Variants in UTP20 observed in about 807,000 individuals in gnomAD.
The protein encoded by UTP20 is UTP20 small subunit processome component.
In UTP20, 164 loss-of-function variants were observed where a neutral mutation model predicts 329.5. That is an observed-to-expected ratio of 0.50 (90% CI 0.44 to 0.57). UTP20 has a LOEUF of 0.57. Ranked by LOEUF, UTP20 falls within the 20% of genes least tolerant of loss-of-function variation. UTP20 has a pLI of 0.00. For missense variants in UTP20, 3,055 were observed against 3,284.2 expected, an observed-to-expected ratio of 0.93 and a Z score of 1.71; for synonymous variants, 1,151 against 1,159.3, an observed-to-expected ratio of 0.99 and a Z score of 0.14.
At chr12:101,283,509 G>A (rs530797255) in intron 2 of UTP20, among the ~76,000 whole-genome samples, 139 of 152,272 alleles carry the variant, frequency 9.1e-4, no homozygotes, top group African/African-American at 3.1e-3. Context: ...AACAGACTCC[G>A]TCTCTTGGTG....
chr12:101,285,545 T>G (rs745678798), intron 2 of UTP20, 25 bp from the exon 3 acceptor site: 30 of 1,610,588 alleles, frequency 1.9e-5, no homozygotes. Context: ...GTTATTTGAT[T>G]AATGGACTGC....
intron 43 of UTP20, among the ~76,000 whole-genome samples, chr12:101,359,486 T>C (rs1315443919): frequency 4.4e-5 from 6 of 136,100 alleles, no homozygotes; most frequent in Non-Finnish European, 1.5e-5. Flanking sequence ...TGTGTGTGTG[T>C]ATGTATGTGT....
At chr12:101,319,909 A>G (rs994196324) in intron 23 of UTP20, among the ~76,000 whole-genome samples, 1 of 152,170 alleles carries the variant, frequency 6.6e-6, no homozygotes, top group Non-Finnish European at 1.5e-5. Flanking sequence ...GAATTATATC[A>G]TGGAAATTAG....
At chr12:101,345,166 G>A (rs954462526) in intron 36 of UTP20, among the ~76,000 whole-genome samples, 8 of 151,872 alleles carry the variant, frequency 5.3e-5, no homozygotes, top group Non-Finnish European at 7.4e-5. Context: ...AGCTGGTCCC[G>A]AACTCCTGAC....
chr12:101,326,938 T>C, intron 25 of UTP20, 143 bp from the exon 26 acceptor site: 1 of 866,882 alleles, frequency 1.2e-6, no homozygotes, highest in Admixed American at 3.1e-5. Context: ...GTGTTAAATA[T>C]CTAATTTCTA....
Position 101,369,776 on chromosome 12 carries a change from C to T in UTP20, c.6440C>T (p.Ser2147Phe), listed in dbSNP as rs1870222334. 1 of 1,609,266 alleles carries T rather than the reference C, an allele frequency of 6.2e-7. No homozygotes were observed. Among genetic ancestry groups the T allele is most frequent in the South Asian group, 1.1e-5 (1 of 90,958 alleles). The change falls in exon 49 of 62, where the codon TCC becomes TTC. Residue 2147 changes from serine to phenylalanine, a missense_variant. Coordinates refer to ENST00000261637, the MANE Select transcript of UTP20 (RefSeq NM_014503.3). ...LIWVLRFPLPSIETKAEQLTK... is the reference protein window; with the variant it reads ...LIWVLRFPLPFIETKAEQLTK... ...TGGGTCTTGAGGTTCCCGCTACCTT[C>T]CATAGAAACAAAAGCAGAGCAGCTG...
At chr12:101,335,903 C>T (rs1430260808) in intron 29 of UTP20, among the ~76,000 whole-genome samples, 3 of 152,190 alleles carry the variant, frequency 2.0e-5, no homozygotes, top group Non-Finnish European at 4.4e-5. Context: ...AGCGACACTT[C>T]ATAGGCTTAC....
intron 38 of UTP20, among the ~76,000 whole-genome samples, chr12:101,348,894 A>G (rs1171791724): frequency 1.3e-5 from 2 of 151,812 alleles, no homozygotes; most frequent in South Asian, 4.2e-4. Flanking sequence ...ATTTCTGAGA[A>G]GAGGACTTCC....
At chr12:101,283,097 G>C (rs1355724042) in intron 2 of UTP20, among the ~76,000 whole-genome samples, 1 of 152,198 alleles carries the variant, frequency 6.6e-6, no homozygotes, top group African/African-American at 2.4e-5. Flanking sequence ...TGTATATATG[G>C]ATCTGGAGTA....
chr12:101,373,895 A>G (rs543284467), intron 54 of UTP20, 128 bp downstream of exon 54: 1 of 1,100,514 alleles, frequency 9.1e-7, no homozygotes, highest in East Asian at 2.6e-5. Flanking sequence ...TTGTCTGATT[A>G]TGCAAATAGT....
rs1868668890 is a variant in UTP20, at chr12:101,329,149, T to C, written c.3209-92T>C. 7 of 1,118,026 alleles carry C rather than the reference T, an allele frequency of 6.3e-6. No homozygotes were observed. The South Asian group carries it at 1.0e-4, about 17-fold the overall frequency. 69.3% of individuals were successfully genotyped at this position (1,118,026 alleles called of 1,614,324 possible). On this transcript the variant is annotated intron_variant, in intron 26 of 61. Coordinates refer to ENST00000261637, the MANE Select transcript of UTP20 (RefSeq NM_014503.3). The stretch of plus-strand genomic sequence containing the variant: ...ACCATGACAGTAGAAAATACTGTAT[T>C]ATTAAGGGAAATGGAAATAAAACTA...
At chr12:101,367,192 G>A (rs985482473) in intron 47 of UTP20, among the ~76,000 whole-genome samples, 1 of 151,956 alleles carries the variant, frequency 6.6e-6, no homozygotes, top group Non-Finnish European at 1.5e-5. Context: ...GGCTAAGGTG[G>A]GAGAATCACT....
At position 101,344,582 on chromosome 12, in the gene UTP20, C is replaced by A. The variant is rs1173645864; in HGVS notation, c.4450-13C>A. Reference sequence around the variant, plus strand: ...ACAGAGAATAATTTCTTTTTTATTTCTCTTTTTTGCAGTTAGGAGATATGA... The same window carrying A: ...ACAGAGAATAATTTCTTTTTTATTTATCTTTTTTGCAGTTAGGAGATATGA... On this transcript the variant is annotated splice_polypyrimidine_tract_variant and intron_variant, in intron 35 of 61. Coordinates refer to ENST00000261637, the MANE Select transcript of UTP20 (RefSeq NM_014503.3). 1 of 907,996 alleles carries A rather than the reference C, an allele frequency of 1.1e-6. No individual in the cohort carries two copies. The highest frequency in any genetic ancestry group is 1.3e-5 in the South Asian group (1 of 76,278). 56.2% of individuals were successfully genotyped at this position (907,996 alleles called of 1,614,324 possible). A position where few individuals can be genotyped will look rare whatever the true frequency, so the allele number is the denominator to read the frequency against.
chr12:101,291,053 T>A, intron 8 of UTP20, 165 bp downstream of exon 8: 1 of 624,254 alleles, frequency 1.6e-6, no homozygotes, highest in Non-Finnish European at 2.4e-6. Context: ...CCCTGTGCTA[T>A]TTTTTATTTG....
Position 101,302,443 on chromosome 12 carries a change from CT to C in UTP20, c.1676-3del. ...ATGTGGTTTCTCCTGTTTTTCTGCC[CT>C]TAGGAAACTTATTTGTTCTTTGTCA... On this transcript the variant is annotated splice_region_variant and splice_polypyrimidine_tract_variant and intron_variant, in intron 14 of 61. Coordinates refer to ENST00000261637, the MANE Select transcript of UTP20 (RefSeq NM_014503.3). 1 of 1,578,890 alleles carries C rather than the reference CT, an allele frequency of 6.3e-7. No homozygotes were observed. Among genetic ancestry groups the C allele is most frequent in the Non-Finnish European group, 8.7e-7 (1 of 1,155,822 alleles).
chr12:101,289,081 G>A lies in UTP20; in HGVS notation c.597+40G>A, dbSNP rs747843630. 6 of 1,539,674 alleles carry A rather than the reference G, an allele frequency of 3.9e-6. No individual in the cohort carries two copies. The South Asian group carries it at 6.7e-5, about 17-fold the overall frequency. ...TTATCTGTTTGTTGCTAATCATCAA[G>A]AATCTGATGAATAGGCCAGGCGTGG... On this transcript the variant is annotated intron_variant, in intron 6 of 61. Transcript: ENST00000261637.
At position 101,310,252 on chromosome 12, in the gene UTP20, C is replaced by T. The variant is rs573565996; in HGVS notation, c.2231+413C>T. Among the ~76,000 whole-genome samples, 15 of 152,028 alleles carry T rather than the reference C, an allele frequency of 9.9e-5. No individual in the cohort carries two copies. The South Asian group carries it at 3.1e-3, about 32-fold the overall frequency. On this transcript the variant is annotated intron_variant, in intron 19 of 61. Transcript: ENST00000261637. ...GTCTAGCATCCAAAATCCCTTTAGC[C>T]CCAAAATGTCTTCAGTGGTCACATA...
intron 33 of UTP20, 33 bp from the exon 34 acceptor site, chr12:101,342,754 C>G: frequency 3.1e-6 from 5 of 1,597,678 alleles, no homozygotes; most frequent in Non-Finnish European, 4.3e-6. Context: ...AAGTTTTATT[C>G]ACTGATAAAT....
In UTP20 at chr12:101,342,923, C is replaced by T; in HGVS notation, c.4297-18C>T. ...TTATATGCCTTCTTTTATATAACTT[C>T]AATGGCATTTCTTATAGCTTAACGC... is the stretch of plus-strand genomic sequence containing the variant. On this transcript the variant is annotated intron_variant, in intron 34 of 61. Transcript: ENST00000261637. 6.2e-7 allele frequency: 1 copy of T among 1,610,036 alleles called. No homozygotes were observed. The highest frequency in any genetic ancestry group is 2.2e-5 in the East Asian group (1 of 44,838).
Sources: gnomAD v4.1 joint callset for allele counts (sites outside exome capture counted in the v4.1 genomes callset) on GRCh38, gnomAD v4.1.1 for gene constraint, MANE v1.5 for transcripts, NCBI Gene and HGNC (gene_info 2026-07-23, HGNC 2026-07-21) for gene names.